Variants in GLS observed in about 807,000 individuals in gnomAD.
The protein encoded by GLS is glutaminase kidney isoform, mitochondrial.
A neutral mutation model predicts 86.7 loss-of-function variants in GLS; 36 were observed. The observed-to-expected ratio is 0.42, with a 90% CI of 0.32 to 0.55. GLS has a LOEUF of 0.55. Ranked by LOEUF, GLS falls within the 20% of genes least tolerant of loss-of-function variation. GLS has a pLI of 0.17. For missense variants in GLS, 528 were observed against 833.4 expected, an observed-to-expected ratio of 0.63 and a Z score of 4.51; for synonymous variants, 317 against 305.9, an observed-to-expected ratio of 1.04 and a Z score of -0.38.
chr2:190,960,539 A>ATTTATTTTTTATTT (rs10665259), intron 17 of GLS, among the ~76,000 whole-genome samples: 4 of 148,908 alleles, frequency 2.7e-5, no homozygotes, highest in African/African-American at 9.9e-5. Flanking sequence ...TAATTTATTT[A>ATTTATTTTTTATTT]TTTATTTTTT....
At chr2:190,958,172 A>G (rs893942440) in intron 17 of GLS, among the ~76,000 whole-genome samples, 1 of 152,138 alleles carries the variant, frequency 6.6e-6, no homozygotes, top group Non-Finnish European at 1.5e-5. Context: ...GGGAGGGTGT[A>G]TGTGTCCAGG....
chr2:190,942,102 C>T lies in GLS; in HGVS notation c.1650+10465C>T, dbSNP rs1431470035. Among the ~76,000 whole-genome samples the T allele has an allele frequency of 1.7e-3, 49 of 28,914 alleles. 1 individual carries two copies. In the South Asian group the frequency reaches 0.077, roughly 46 times the overall value. 19.0% of individuals were successfully genotyped at this position (28,914 alleles called of 152,430 possible). ...TTTTTTTTTTTTTTTTTTTTTGAGACGGAGTCTTGCTCTGTCTCCCAGGCT... is the reference window on the plus strand; with the variant it reads ...TTTTTTTTTTTTTTTTTTTTTGAGATGGAGTCTTGCTCTGTCTCCCAGGCT... On this transcript the variant is annotated intron_variant, in intron 14 of 17. Coordinates refer to ENST00000320717, the MANE Select transcript of GLS (RefSeq NM_014905.5).
rs1456278900 is a variant in GLS at position 190,881,222 on chromosome 2, G to C, written c.138G>C (p.Ala46=). 3 of 1,245,112 alleles carry C rather than the reference G, an allele frequency of 2.4e-6. No individual in the cohort carries two copies. In the Admixed American group the frequency reaches 1.3e-4, roughly 54 times the overall value. The allele number at this position is 1,245,112 out of a possible 1,614,324, so 77.1% of individuals were successfully genotyped here. The change falls in exon 1 of 18, where the codon GCG becomes GCC. Residue 46 remains alanine (A), a synonymous_variant. Transcript: ENST00000320717. ...CCCGAGGCGGGGGACGGCCGGCCGC[G>C]GGCCCGGCTGCCGCCGCGCGACTCC... ...RRPRGGGRPA[A]GPAAAARLHP...
At chr2:190,942,067 C>CTTTTTGTTTT (rs1690450964) in intron 14 of GLS, among the ~76,000 whole-genome samples, 1 of 38,054 alleles carries the variant, frequency 2.6e-5, no homozygotes. Context: ...ACTTTGAAGA[C>CTTTTTGTTTT]TTTTTTTTTT....
chr2:190,959,190 G>T (rs1255366428), intron 17 of GLS, among the ~76,000 whole-genome samples: 1 of 149,370 alleles, frequency 6.7e-6, no homozygotes, highest in Non-Finnish European at 1.5e-5. Flanking sequence ...TTTCTCTTTT[G>T]ATCTTTGTCG....
intron 6 of GLS, among the ~76,000 whole-genome samples, chr2:190,906,933 T>C (rs1013497622): frequency 6.9e-6 from 1 of 144,732 alleles, no homozygotes; most frequent in Non-Finnish European, 1.5e-5. Flanking sequence ...TTGTAGTAGT[T>C]TTTTTTTTTT....
rs902756687 is a variant in GLS, at chr2:190,964,657, G to C, written c.*1671G>C. The stretch of plus-strand genomic sequence containing the variant: ...CTGTTCCCATGCTTGAGCTTCCATG[G>C]GGAGGATGCTGAGTGAGCAGTTTCC... On this transcript the variant is annotated 3_prime_UTR_variant, in exon 18 of 18. Coordinates refer to ENST00000320717, the MANE Select transcript of GLS (RefSeq NM_014905.5). The surrounding 1 kb of genome is among the most constrained non-coding windows in gnomAD (Gnocchi z 5.2). 1 of 152,144 alleles carries C rather than the reference G, an allele frequency of 6.6e-6. No individual in the cohort carries two copies. Among genetic ancestry groups the C allele is most frequent in the Non-Finnish European group, 1.5e-5 (1 of 68,040 alleles). The allele number at this position is 152,144 out of a possible 1,614,324, so 9.4% of individuals were successfully genotyped here. A position where few individuals can be genotyped will look rare whatever the true frequency, so the allele number is the denominator to read the frequency against.
chr2:190,913,281 C>T lies in GLS; in HGVS notation c.1038+2960C>T. ...ATTGTGGAAAAAAGGAGAATTTGGA[C>T]AGAAGGAGCCTGTTGCATAAATTCT... On this transcript the variant is annotated intron_variant, in intron 7 of 17. Transcript: ENST00000320717. The surrounding 1 kb of genome is among the most constrained non-coding windows in gnomAD (Gnocchi z 6.1). 1 of 1,290,558 alleles carries T rather than the reference C, an allele frequency of 7.7e-7. No homozygotes were observed. Among genetic ancestry groups the T allele is most frequent in the Non-Finnish European group, 1.0e-6 (1 of 984,814 alleles). 79.9% of individuals were successfully genotyped at this position (1,290,558 alleles called of 1,614,324 possible). A position where few individuals can be genotyped will look rare whatever the true frequency, so the allele number is the denominator to read the frequency against.
rs916736765 is a variant in GLS, at chr2:190,943,953, A to G, written c.1651-9612A>G. On this transcript the variant is annotated intron_variant, in intron 14 of 17. Coordinates refer to ENST00000320717, the MANE Select transcript of GLS (RefSeq NM_014905.5). The surrounding 1 kb of genome is among the most constrained non-coding windows in gnomAD (Gnocchi z 4.5). Reference sequence around the variant, plus strand: ...GTTAGTATTGTGGGTTGGAATAACTATAGAAAACTCAAGTCCATGTGCCTG... The same window carrying G: ...GTTAGTATTGTGGGTTGGAATAACTGTAGAAAACTCAAGTCCATGTGCCTG... Among the ~76,000 whole-genome samples, 2 of 152,220 alleles carry G rather than the reference A, an allele frequency of 1.3e-5. No individual in the cohort carries two copies. The highest frequency in any genetic ancestry group is 4.8e-5 in the African/African-American group (2 of 41,456).
At chr2:190,918,830 G>T (rs1297960364) in intron 7 of GLS, among the ~76,000 whole-genome samples, 1 of 152,104 alleles carries the variant, frequency 6.6e-6, no homozygotes, top group African/African-American at 2.4e-5. Flanking sequence ...CAATATTGTT[G>T]TGTCTCAGGG....
rs1313377453 is a variant in GLS at position 190,900,764 on chromosome 2, G to GA, written c.735+72dup. Reference sequence around the variant, plus strand: ...AATTCAGCTTAATTTGAGGTCTAGAGAGTAAATTGTGTAGTTGTGTTTTGC... The same window carrying GA: ...AATTCAGCTTAATTTGAGGTCTAGAGAAGTAAATTGTGTAGTTGTGTTTTGC... On this transcript the variant is annotated intron_variant, in intron 4 of 17. Transcript: ENST00000320717. 2.3e-5 allele frequency: 28 copies of GA among 1,206,318 alleles called. No homozygotes were observed. In the African/African-American group the frequency reaches 3.3e-4, roughly 14 times the overall value. The allele number at this position is 1,206,318 out of a possible 1,614,324, so 74.7% of individuals were successfully genotyped here.
At chr2:190,957,689 G>A (rs762094623) in intron 17 of GLS, among the ~76,000 whole-genome samples, 2 of 152,204 alleles carry the variant, frequency 1.3e-5, no homozygotes, top group Non-Finnish European at 2.9e-5. Context: ...CATTGGTTCT[G>A]TTTATGTGAT....
chr2:190,960,079 G>C (rs1434982986), intron 17 of GLS, among the ~76,000 whole-genome samples: 1 of 141,350 alleles, frequency 7.1e-6, no homozygotes. Flanking sequence ...TGCAACAAAT[G>C]ATGTCAACAA....
In GLS at chr2:190,949,782, A is replaced by G. The variant is rs1181593091; in HGVS notation, c.1651-3783A>G. Among the ~76,000 whole-genome samples, 3 of 152,104 alleles carry G rather than the reference A, an allele frequency of 2.0e-5. No homozygotes were observed. Among genetic ancestry groups the G allele is most frequent in the Non-Finnish European group, 4.4e-5 (3 of 68,024 alleles). On this transcript the variant is annotated intron_variant, in intron 14 of 17. Transcript: ENST00000320717. The surrounding 1 kb of genome is among the most constrained non-coding windows in gnomAD (Gnocchi z 4.0). ...TTGAATATTTGATGCCTTGAGGGAG[A>G]ATATTCACTTAGTCAATAGATATTT...
rs1200479348 is a variant in GLS, at chr2:190,938,233, A to T, written c.1650+6596A>T. ...TGCTGAAACACTTTCAGGCCTTAAA[A>T]CCACAGATAATTAAAATTATCTATT... On this transcript the variant is annotated intron_variant, in intron 14 of 17. Coordinates refer to ENST00000320717, the MANE Select transcript of GLS (RefSeq NM_014905.5). This position sits in a 1 kb window ranked among gnomAD's most constrained non-coding sequence, Gnocchi z 4.1. Among the ~76,000 whole-genome samples the T allele has an allele frequency of 6.6e-6, 1 of 151,372 alleles. No homozygotes were observed. Among genetic ancestry groups the T allele is most frequent in the Non-Finnish European group, 1.5e-5 (1 of 67,490 alleles).
intron 1 of GLS, among the ~76,000 whole-genome samples, chr2:190,893,949 A>G (rs1688646208): frequency 6.6e-6 from 1 of 152,200 alleles, no homozygotes; most frequent in East Asian, 1.9e-4. Flanking sequence ...ATGTATCAGG[A>G]TATGTCATTA....
chr2:190,884,171 T>C (rs1370766761), intron 1 of GLS, among the ~76,000 whole-genome samples: 2 of 152,230 alleles, frequency 1.3e-5, no homozygotes, highest in South Asian at 2.1e-4. Flanking sequence ...ATTTCCTCAC[T>C]GGGTAAAAAC....
chr2:190,904,934 A>C, intron 5 of GLS, 70 bp from the exon 6 acceptor site: 1 of 883,194 alleles, frequency 1.1e-6, no homozygotes. Context: ...TGTAAAAAGA[A>C]TAATTCCAAC....
At position 190,881,133 on chromosome 2, in the gene GLS, T is replaced by C; in HGVS notation, c.49T>C (p.Ser17Pro). 1 of 1,557,242 alleles carries C rather than the reference T, an allele frequency of 6.4e-7. No individual in the cohort carries two copies. The highest frequency in any genetic ancestry group is 8.6e-7 in the Non-Finnish European group (1 of 1,160,418). Residue 17 changes from serine (S) to proline (P), a missense_variant, in exon 1 of 18, where the codon TCG (serine) becomes CCG (proline). This residue lies in a region of GLS where 224 missense variants were observed against 187.9 expected (regional missense o/e 1.19). Transcript: ENST00000320717. ...GATGCTGCGGGACCTGCTCCTGCGG[T>C]CGCCCGCCGGCGTGAGCGCGACTCT... ...SGMLRDLLLR[S>P]PAGVSATLRR...
Sources: gnomAD v4.1 joint callset for allele counts (sites outside exome capture counted in the v4.1 genomes callset) on GRCh38, gnomAD v4.1.1 for gene constraint, gnomAD v4.1.1 regional missense constraint, Gnocchi (gnomAD v3.1) non-coding constraint, MANE v1.5 for transcripts, NCBI Gene and HGNC (gene_info 2026-07-23, HGNC 2026-07-21) for gene names.